RNF130: variants seen among roughly 807,000 people sequenced by gnomAD.
The protein encoded by RNF130 is ring finger protein 130.
In RNF130, 21 loss-of-function variants were observed where a neutral mutation model predicts 44.6. That is an observed-to-expected ratio of 0.47 (90% CI 0.33 to 0.68). RNF130 has a LOEUF of 0.68. Among genes scored for constraint, RNF130 ranks in the 30% least tolerant of loss-of-function variants. The pLI is 0.02. For missense variants in RNF130, 479 were observed against 560.6 expected, an observed-to-expected ratio of 0.85 and a Z score of 1.47; for synonymous variants, 214 against 210.4, an observed-to-expected ratio of 1.02 and a Z score of -0.15.
chr5:180,016,233 G>A (rs952521766), intron 2 of RNF130, among the ~76,000 whole-genome samples: 1 of 152,048 alleles, frequency 6.6e-6, no homozygotes, highest in African/African-American at 2.4e-5. Context: ...TAGGAGAAAG[G>A]GCCTTCTCCC....
At chr5:179,985,996 T>A (rs932917022) in intron 3 of RNF130, among the ~76,000 whole-genome samples, 3 of 152,228 alleles carry the variant, frequency 2.0e-5, no homozygotes, top group African/African-American at 7.2e-5. Context: ...AAGCCAAATC[T>A]CTTTCTAAAC....
rs1373197283 is a variant in RNF130 at position 179,977,555 on chromosome 5, A to G, written c.848+648T>C. Among the ~76,000 whole-genome samples the G allele has an allele frequency of 6.6e-6, 1 of 152,214 alleles. No homozygotes were observed. Among genetic ancestry groups the G allele is most frequent in the Admixed American group, 6.5e-5 (1 of 15,272 alleles). On this transcript the variant is annotated intron_variant, in intron 5 of 8. Coordinates refer to ENST00000521389, the MANE Select transcript of RNF130 (RefSeq NM_018434.6). The surrounding 1 kb of genome is among the most constrained non-coding windows in gnomAD (Gnocchi z 4.1). ...CTGTGCGCAACATAGTGAGAACCCC[A>G]TCTTTAAAGAAAACAGGCCGGGTGC...
At chr5:180,065,013 G>A (rs983080236) in intron 1 of RNF130, among the ~76,000 whole-genome samples, 2 of 151,988 alleles carry the variant, frequency 1.3e-5, no homozygotes, top group Non-Finnish European at 2.9e-5. Context: ...GTCCTAGAGT[G>A]CCTCTTTTCT....
chr5:179,925,673 T>C (rs1437420228), intron 7 of RNF130, among the ~76,000 whole-genome samples: 1 of 152,084 alleles, frequency 6.6e-6, no homozygotes, highest in Non-Finnish European at 1.5e-5. Context: ...GGACTACAGG[T>C]ACATGCCACC....
intron 3 of RNF130, among the ~76,000 whole-genome samples, chr5:179,993,901 T>C (rs1763146875): frequency 6.6e-6 from 1 of 152,208 alleles, no homozygotes; most frequent in African/African-American, 2.4e-5. Flanking sequence ...TTAATTTTTG[T>C]ATAAGGTGTA....
intron 7 of RNF130, among the ~76,000 whole-genome samples, chr5:179,938,358 T>A (rs943688713): frequency 4.6e-5 from 7 of 151,688 alleles, no homozygotes; most frequent in African/African-American, 1.7e-4. Context: ...CCAGAACAGG[T>A]ATATCATGGG....
chr5:179,951,973 C>T (rs544758024), downstream of RNF130, among the ~76,000 whole-genome samples: 28 of 152,130 alleles, frequency 1.8e-4, no homozygotes, highest in Admixed American at 7.2e-4. Flanking sequence ...AAATCAATAA[C>T]CTCATCTTCC....
rs1056020016 is a variant in RNF130 at position 179,977,745 on chromosome 5, G to A, written c.848+458C>T. On this transcript the variant is annotated intron_variant, in intron 5 of 8. Transcript: ENST00000521389. The surrounding 1 kb of genome is among the most constrained non-coding windows in gnomAD (Gnocchi z 4.1). ...TGGGTACCTGTAGTCCCAGCTACTC[G>A]GGAGGCTGAGGCAGGAGAATGGCAT... Among the ~76,000 whole-genome samples the A allele has an allele frequency of 1.6e-4, 24 of 152,114 alleles. No homozygotes were observed. The highest frequency in any genetic ancestry group is 7.9e-4 in the Admixed American group (12 of 15,264).
At chr5:179,937,933 T>TGTGTGTGTGTGA (rs1268947878) in intron 7 of RNF130, among the ~76,000 whole-genome samples, 4 of 116,292 alleles carry the variant, frequency 3.4e-5, no homozygotes, top group South Asian at 2.9e-4. Flanking sequence ...TGTGTGTGTG[T>TGTGTGTGTGTGA]GAGAGAGAGA....
intron 8 of RNF130, among the ~76,000 whole-genome samples, chr5:179,958,889 T>C (rs907613842): frequency 2.0e-5 from 3 of 152,064 alleles, no homozygotes; most frequent in Non-Finnish European, 4.4e-5. Flanking sequence ...CCGTGTTGGC[T>C]AGGCTTGTCT....
chr5:179,968,350 G>A (rs1762498588), intron 6 of RNF130, among the ~76,000 whole-genome samples: 1 of 151,012 alleles, frequency 6.6e-6, no homozygotes, highest in Non-Finnish European at 1.5e-5. Context: ...AACAACAGAG[G>A]GTAAGTTACT....
At chr5:179,990,549 AG>A (rs949395005) in intron 3 of RNF130, among the ~76,000 whole-genome samples, 8 of 152,172 alleles carry the variant, frequency 5.3e-5, no homozygotes, top group African/African-American at 1.9e-4. Flanking sequence ...CTTCCACAAG[AG>A]GTGGTGGAGC....
chr5:180,061,386 G>A (rs1764981551), intron 1 of RNF130, among the ~76,000 whole-genome samples: 1 of 152,160 alleles, frequency 6.6e-6, no homozygotes, highest in South Asian at 2.1e-4. Context: ...TTCAACGCTG[G>A]GATTCTCTTT....
chr5:179,951,389 G>GTT (rs59639284), downstream of RNF130, among the ~76,000 whole-genome samples: 455 of 146,824 alleles, frequency 3.1e-3, 2 homozygotes, highest in Middle Eastern at 7.0e-3. Context: ...ATAGGTTTTT[G>GTT]TTTTTTTTTT....
chr5:179,938,765 C>G (rs1432967892), intron 7 of RNF130, among the ~76,000 whole-genome samples: 1 of 152,136 alleles, frequency 6.6e-6, no homozygotes, highest in African/African-American at 2.4e-5. Flanking sequence ...CCTTTCACTA[C>G]TAACTACTGA....
chr5:179,929,847 CTT>C (rs1448087129), intron 7 of RNF130, among the ~76,000 whole-genome samples: 4 of 152,102 alleles, frequency 2.6e-5, no homozygotes, highest in Admixed American at 6.6e-5. Flanking sequence ...CTATAAGTCA[CTT>C]TGGGGAGAGC....
intron 3 of RNF130, among the ~76,000 whole-genome samples, chr5:179,998,114 G>A (rs1412553317): frequency 2.0e-5 from 3 of 152,232 alleles, no homozygotes; most frequent in Admixed American, 2.0e-4. Context: ...GCTGCGATTA[G>A]AGGCGTGAGC....
intron 1 of RNF130, among the ~76,000 whole-genome samples, chr5:180,062,078 G>A (rs1195319815): frequency 7.6e-5 from 11 of 144,224 alleles, no homozygotes; most frequent in South Asian, 2.2e-4. Flanking sequence ...TTTTTTAGAC[G>A]GAGTCTCACT....
intron 3 of RNF130, among the ~76,000 whole-genome samples, chr5:180,010,358 A>T (rs1433583832): frequency 6.6e-6 from 1 of 150,984 alleles, no homozygotes; most frequent in Non-Finnish European, 1.5e-5. Flanking sequence ...CCTATATAAC[A>T]TTTTTTTCTT....
Sources: gnomAD v4.1 joint callset for allele counts (sites outside exome capture counted in the v4.1 genomes callset) on GRCh38, gnomAD v4.1.1 for gene constraint, Gnocchi (gnomAD v3.1) non-coding constraint, MANE v1.5 for transcripts, NCBI Gene and HGNC (gene_info 2026-07-23, HGNC 2026-07-21) for gene names.